Variants in PRKN observed in about 807,000 individuals in gnomAD.
The protein encoded by PRKN is E3 ubiquitin-protein ligase parkin.
Under a neutral mutation model 59.5 loss-of-function variants are expected in PRKN, and 56 were observed. The ratio of observed to expected loss-of-function variants is 0.94; its 90% CI spans 0.76 to 1.18. PRKN has a LOEUF of 1.18. Among genes scored for constraint, PRKN ranks in the 50% most tolerant of loss-of-function variants. The pLI is 0.00. For synonymous variants in PRKN, 250 were observed against 222.1 expected (o/e 1.13, Z -1.12); for missense variants, 657 against 596.4 (o/e 1.10, Z -1.06).
intron 2 of PRKN, among the ~76,000 whole-genome samples, chr6:162,361,685 G>C (rs1012890174): frequency 6.6e-6 from 1 of 152,142 alleles, no homozygotes; most frequent in Non-Finnish European, 1.5e-5. Context: ...AAGCCACATT[G>C]ATTTTTGCAG....
At position 162,569,122 on chromosome 6, in the gene PRKN, C is replaced by T. The variant is rs1780207098; in HGVS notation, c.8-125649G>A. Reference sequence around the variant, plus strand: ...TCAAGGCGTAGTATGAGGAGATCACCCAACCTCAGCCGGGCTGAGGCTAAG... The same window carrying T: ...TCAAGGCGTAGTATGAGGAGATCACTCAACCTCAGCCGGGCTGAGGCTAAG... On this transcript the variant is annotated intron_variant, in intron 1 of 11. Coordinates refer to ENST00000366898, the MANE Select transcript of PRKN (RefSeq NM_004562.3). 49 of 642,368 alleles carry T rather than the reference C, an allele frequency of 7.6e-5. 1 individual carries two copies. Among genetic ancestry groups the T allele is most frequent in the South Asian group, 7.2e-4 (45 of 62,158 alleles). The allele number at this position is 642,368 out of a possible 1,614,324, so 39.8% of individuals were successfully genotyped here. A position where few individuals can be genotyped will look rare whatever the true frequency, so the allele number is the denominator to read the frequency against.
chr6:161,532,589 G>A (rs754490764), intron 9 of PRKN, among the ~76,000 whole-genome samples: 4 of 152,112 alleles, frequency 2.6e-5, no homozygotes, highest in African/African-American at 4.8e-5. Context: ...TTAGCTTTGT[G>A]GGGTTTTTTT....
Position 162,561,972 on chromosome 6 carries a change from G to A in PRKN, c.8-118499C>T, listed in dbSNP as rs1042639967. Among the ~76,000 whole-genome samples, 23 of 152,122 alleles carry A rather than the reference G, an allele frequency of 1.5e-4. 1 individual carries two copies. Among genetic ancestry groups the A allele is most frequent in the Admixed American group, 1.2e-3 (18 of 15,276 alleles). ...TGAGACACTAGCTGGGACAGACAAGGGAGTGCTGGCATCACTGCTCCCCTA... is the reference window on the plus strand; with the variant it reads ...TGAGACACTAGCTGGGACAGACAAGAGAGTGCTGGCATCACTGCTCCCCTA... On this transcript the variant is annotated intron_variant, in intron 1 of 11. Coordinates refer to ENST00000366898, the MANE Select transcript of PRKN (RefSeq NM_004562.3).
Position 161,706,912 on chromosome 6 carries a change from G to T in PRKN, c.871+78860C>A, listed in dbSNP as rs573459430. 2.6e-5 allele frequency among the ~76,000 whole-genome samples: 4 copies of T among 152,258 alleles called. No homozygotes were observed. In the East Asian group the frequency reaches 5.8e-4, roughly 22 times the overall value. ...AAGAAATATTAAACAGCCAGAAAGA[G>T]AAATTTTTAATGCTGTTTAACAATA... On this transcript the variant is annotated intron_variant, in intron 7 of 11. Transcript: ENST00000366898.
chr6:161,506,545 C>T (rs1353509778), intron 9 of PRKN, among the ~76,000 whole-genome samples: 2 of 152,138 alleles, frequency 1.3e-5, no homozygotes, highest in Non-Finnish European at 2.9e-5. Flanking sequence ...AATTTGTTGC[C>T]TATTTAATGA....
intron 6 of PRKN, among the ~76,000 whole-genome samples, chr6:161,908,224 G>A (rs1173526450): frequency 6.6e-6 from 1 of 152,172 alleles, no homozygotes; most frequent in Non-Finnish European, 1.5e-5. Context: ...ATGACCTGGG[G>A]AGCACGTGAG....
chr6:162,510,149 G>A (rs766288152), intron 1 of PRKN, among the ~76,000 whole-genome samples: 4 of 151,972 alleles, frequency 2.6e-5, no homozygotes, highest in Non-Finnish European at 2.9e-5. Context: ...AACAACAGTC[G>A]GCACCCAACA....
chr6:162,601,157 G>A (rs1781693032), intron 1 of PRKN, among the ~76,000 whole-genome samples: 1 of 152,078 alleles, frequency 6.6e-6, no homozygotes, highest in African/African-American at 2.4e-5. Context: ...ATGTCAAGAG[G>A]GCAAAAGCAT....
intron 1 of PRKN, among the ~76,000 whole-genome samples, chr6:162,597,783 C>G (rs1781549289): frequency 6.6e-6 from 1 of 152,150 alleles, no homozygotes; most frequent in Admixed American, 6.5e-5. Flanking sequence ...CCTGGTCCCC[C>G]ACAGGGTGAC....
chr6:161,773,542 AAAG>A (rs141301217), intron 7 of PRKN, among the ~76,000 whole-genome samples: 58,272 of 151,754 alleles, frequency 0.38, 11,264 homozygotes, highest in South Asian at 0.51. Flanking sequence ...CACACACTAA[AAAG>A]AAGAAGAAAT....
chr6:162,296,846 T>C lies in PRKN; in HGVS notation c.172-34081A>G, dbSNP rs1781697661. On this transcript the variant is annotated intron_variant, in intron 2 of 11. Transcript: ENST00000366898. Reference sequence around the variant, plus strand: ...TCTTCAGCTACCCAAGGATTTACTGTTAACTAGAAAAAAGCATCGTTTCCA... The same window carrying C: ...TCTTCAGCTACCCAAGGATTTACTGCTAACTAGAAAAAAGCATCGTTTCCA... Among the ~76,000 whole-genome samples the C allele has an allele frequency of 1.3e-5, 2 of 152,160 alleles. 1 individual carries two copies. The highest frequency in any genetic ancestry group is 4.1e-4 in the South Asian group (2 of 4,826).
intron 11 of PRKN, among the ~76,000 whole-genome samples, chr6:161,351,857 T>C (rs962529644): frequency 6.6e-6 from 1 of 152,206 alleles, no homozygotes; most frequent in Non-Finnish European, 1.5e-5. Context: ...GTGATTCCAA[T>C]GTCCTGTCAT....
intron 6 of PRKN, among the ~76,000 whole-genome samples, chr6:161,880,556 C>T (rs149090964): frequency 1.3e-5 from 2 of 152,310 alleles, no homozygotes; most frequent in East Asian, 3.9e-4. Context: ...CCCGGAAAGA[C>T]AGTGCGGTCA....
chr6:162,002,918 G>T (rs1420416578), intron 5 of PRKN, among the ~76,000 whole-genome samples: 1 of 152,002 alleles, frequency 6.6e-6, no homozygotes, highest in African/African-American at 2.4e-5. Flanking sequence ...CACGTCTTTT[G>T]GGATTTTCCA....
rs1200230866 is a variant in PRKN, at chr6:162,266,073, T to C, written c.172-3308A>G. On this transcript the variant is annotated intron_variant, in intron 2 of 11. Coordinates refer to ENST00000366898, the MANE Select transcript of PRKN (RefSeq NM_004562.3). ...ATACTCAAGGACTTGCACAGGAGCA[T>C]GTGAGCTTTGCCACAGAAGGAAAAG... Among the ~76,000 whole-genome samples the C allele has an allele frequency of 2.6e-5, 4 of 152,274 alleles. No individual in the cohort carries two copies. In the East Asian group the frequency reaches 7.8e-4, roughly 30 times the overall value.
intron 7 of PRKN, among the ~76,000 whole-genome samples, chr6:161,648,293 T>C (rs1241372818): frequency 2.0e-5 from 3 of 152,234 alleles, no homozygotes; most frequent in Non-Finnish European, 4.4e-5. Flanking sequence ...AGCTCAGTAG[T>C]ATGTAGACAA....
In PRKN at chr6:162,384,441, C is replaced by T. The variant is rs544912818; in HGVS notation, c.171+58869G>A. Among the ~76,000 whole-genome samples the T allele has an allele frequency of 9.2e-5, 14 of 152,092 alleles. No individual in the cohort carries two copies. The South Asian group carries it at 2.9e-3, about 32-fold the overall frequency. On this transcript the variant is annotated intron_variant, in intron 2 of 11. Coordinates refer to ENST00000366898, the MANE Select transcript of PRKN (RefSeq NM_004562.3). ...AGTCAGAAGACACACATTAAGTTTGCCACCTTGTAAGGGAGCAGTTCATCG... is the reference window on the plus strand; with the variant it reads ...AGTCAGAAGACACACATTAAGTTTGTCACCTTGTAAGGGAGCAGTTCATCG...
At position 162,532,299 on chromosome 6, in the gene PRKN, G is replaced by A. The variant is rs79402600; in HGVS notation, c.8-88826C>T. Among the ~76,000 whole-genome samples the A allele has an allele frequency of 9.8e-3, 1,493 of 152,246 alleles. 24 individuals carry two copies. The highest frequency in any genetic ancestry group is 0.034 in the African/African-American group (1,423 of 41,532). ...AAATATGCACTTATGATATATGCAC[G>A]CACACAAGCATATTCCTGTCACCTT... On this transcript the variant is annotated intron_variant, in intron 1 of 11. Transcript: ENST00000366898.
intron 1 of PRKN, among the ~76,000 whole-genome samples, chr6:162,539,297 C>A (rs1024467029): frequency 6.6e-6 from 1 of 152,044 alleles, no homozygotes; most frequent in Non-Finnish European, 1.5e-5. Context: ...CTATAATTTT[C>A]ATCTCATCAA....
Sources: allele counts gnomAD v4.1 joint callset (sites outside exome capture counted in the v4.1 genomes callset), GRCh38; gene constraint gnomAD v4.1.1; transcripts MANE v1.5; gene names NCBI Gene and HGNC (gene_info 2026-07-23, HGNC 2026-07-21).